SNTG1: variants seen among roughly 807,000 people sequenced by gnomAD.
The protein encoded by SNTG1 is gamma-1-syntrophin.
In SNTG1, 39 loss-of-function variants were observed where a neutral mutation model predicts 74.7. The ratio of observed to expected loss-of-function variants is 0.52; its 90% CI spans 0.40 to 0.68. SNTG1 has a LOEUF of 0.68. SNTG1 is among the 30% of genes least tolerant of loss of function. The pLI, the probability that SNTG1 is intolerant of heterozygous loss-of-function variation, is 0.00. For synonymous variants in SNTG1, 254 were observed against 217.1 expected (o/e 1.17, Z -1.49); for missense variants, 685 against 609.5 (o/e 1.12, Z -1.30).
intron 13 of SNTG1, among the ~76,000 whole-genome samples, chr8:50,593,346 T>C (rs548207771): frequency 6.6e-6 from 1 of 152,150 alleles, no homozygotes; most frequent in East Asian, 1.9e-4. Context: ...AGAAGAGAGT[T>C]GGGCCCAAAA....
chr8:50,315,489 A>G (rs1175850887), intron 2 of SNTG1, among the ~76,000 whole-genome samples: 1 of 149,928 alleles, frequency 6.7e-6, no homozygotes, highest in East Asian at 2.0e-4. Context: ...AGAACTATTT[A>G]AGAGTAGATA....
chr8:50,572,672 G>C (rs915986253), intron 12 of SNTG1, among the ~76,000 whole-genome samples: 4 of 152,230 alleles, frequency 2.6e-5, no homozygotes, highest in Non-Finnish European at 5.9e-5. Flanking sequence ...AGAAGCAAAA[G>C]TCATGTTTAA....
At chr8:50,251,001 A>T (rs897125729) in intron 2 of SNTG1, among the ~76,000 whole-genome samples, 2 of 4,644 alleles carry the variant, frequency 4.3e-4, no homozygotes, top group African/African-American at 4.4e-4. Flanking sequence ...TCAAAAAGGT[A>T]AAAACACCAA....
At chr8:50,284,540 G>A (rs915023617) in intron 2 of SNTG1, among the ~76,000 whole-genome samples, 6 of 152,032 alleles carry the variant, frequency 3.9e-5, no homozygotes, top group East Asian at 1.9e-4. Context: ...TGCTGTTGTT[G>A]TTACTGTTTT....
intron 4 of SNTG1, among the ~76,000 whole-genome samples, chr8:50,404,681 T>C (rs2092849164): frequency 6.6e-6 from 1 of 152,068 alleles, no homozygotes; most frequent in Admixed American, 6.6e-5. Flanking sequence ...CCATCTTAAC[T>C]ATTTTTAAGT....
intron 1 of SNTG1, among the ~76,000 whole-genome samples, chr8:49,947,900 G>A (rs1026332305): frequency 6.6e-6 from 1 of 152,268 alleles, no homozygotes. Context: ...GGAGGCCGAG[G>A]TTGGCAGATC....
intron 2 of SNTG1, chr8:50,382,409 T>C (rs1029280621): frequency 5.9e-5 from 9 of 152,174 alleles, no homozygotes; most frequent in African/African-American, 2.2e-4. Context: ...TCTAGAAATA[T>C]GCGCTACTAG....
chr8:50,106,279 A>G lies in SNTG1; in HGVS notation c.-102-66282A>G, dbSNP rs2080367817. 2.0e-5 allele frequency among the ~76,000 whole-genome samples: 3 copies of G among 152,090 alleles called. No individual in the cohort carries two copies. The South Asian group carries it at 6.2e-4, about 31-fold the overall frequency. On this transcript the variant is annotated intron_variant, in intron 1 of 18. Transcript: ENST00000642720. Reference sequence around the variant, plus strand: ...AGGAGAGGAATTGTCACACAGTTTTAAATAATCAGATCTCATGAGAACTCA... The same window carrying G: ...AGGAGAGGAATTGTCACACAGTTTTGAATAATCAGATCTCATGAGAACTCA...
intron 2 of SNTG1, among the ~76,000 whole-genome samples, chr8:50,304,766 T>A (rs952777227): frequency 1.3e-5 from 2 of 152,242 alleles, no homozygotes; most frequent in Non-Finnish European, 2.9e-5. Context: ...CATCATTTCA[T>A]GATGATCCAC....
At chr8:50,348,634 T>A (rs1019392804) in intron 2 of SNTG1, among the ~76,000 whole-genome samples, 17 of 152,200 alleles carry the variant, frequency 1.1e-4, no homozygotes, top group Non-Finnish European at 4.4e-5. Flanking sequence ...GAATACTTTC[T>A]ATGTTCATTC....
At chr8:50,750,229 T>A (rs1209206269) in intron 17 of SNTG1, among the ~76,000 whole-genome samples, 4 of 151,904 alleles carry the variant, frequency 2.6e-5, no homozygotes, top group African/African-American at 4.8e-5. Context: ...AAAACTAAAA[T>A]TATAACTGGA....
At chr8:50,388,243 G>A (rs2092604855) in intron 2 of SNTG1, among the ~76,000 whole-genome samples, 1 of 152,106 alleles carries the variant, frequency 6.6e-6, no homozygotes. Context: ...ATGGTTAAGA[G>A]CAAACAACCA....
intron 2 of SNTG1, among the ~76,000 whole-genome samples, chr8:50,266,822 A>C (rs920279251): frequency 2.6e-5 from 4 of 151,920 alleles, no homozygotes; most frequent in African/African-American, 7.2e-5. Flanking sequence ...TTTGAGCCAC[A>C]GTGCTACTCT....
chr8:50,223,848 T>TA (rs2085190286), intron 2 of SNTG1, among the ~76,000 whole-genome samples: 1 of 151,978 alleles, frequency 6.6e-6, no homozygotes, highest in African/African-American at 2.4e-5. Flanking sequence ...ACAGATGCAT[T>TA]AGCTACACAA....
intron 2 of SNTG1, among the ~76,000 whole-genome samples, chr8:50,295,603 A>C (rs1464191588): frequency 1.3e-5 from 2 of 152,288 alleles, no homozygotes; most frequent in Admixed American, 1.3e-4. Context: ...TTTGTGCCAT[A>C]AGTTAAAAAG....
chr8:50,500,895 G>C (rs2093945888), intron 8 of SNTG1, among the ~76,000 whole-genome samples: 1 of 152,066 alleles, frequency 6.6e-6, no homozygotes, highest in African/African-American at 2.4e-5. Context: ...GGATAATGGG[G>C]ACCTTGGAGC....
chr8:50,744,450 T>C (rs969608174), intron 17 of SNTG1, among the ~76,000 whole-genome samples: 2 of 152,006 alleles, frequency 1.3e-5, no homozygotes, highest in Non-Finnish European at 2.9e-5. Flanking sequence ...CAACATCCTG[T>C]GTTTATGAAT....
chr8:49,982,505 T>C (rs1379830446), intron 1 of SNTG1, among the ~76,000 whole-genome samples: 1 of 151,314 alleles, frequency 6.6e-6, no homozygotes, highest in East Asian at 1.9e-4. Context: ...CATATATGTA[T>C]ACATGTATAC....
At chr8:50,230,954 T>C (rs1358279288) in intron 2 of SNTG1, among the ~76,000 whole-genome samples, 1 of 150,988 alleles carries the variant, frequency 6.6e-6, no homozygotes, top group Non-Finnish European at 1.5e-5. Context: ...GAGTGAACAG[T>C]CAACCTTCAG....
Sources: gnomAD v4.1 joint callset for allele counts (sites outside exome capture counted in the v4.1 genomes callset) on GRCh38, gnomAD v4.1.1 for gene constraint, MANE v1.5 for transcripts, NCBI Gene and HGNC (gene_info 2026-07-23, HGNC 2026-07-21) for gene names.